Variants in STAU2 observed in about 807,000 individuals in gnomAD.
STAU2 encodes staufen double-stranded RNA binding protein 2, also known as double-stranded RNA-binding protein Staufen homolog 2.
In STAU2, 20 loss-of-function variants were observed where a neutral mutation model predicts 65.9. That is an observed-to-expected ratio of 0.30 (90% CI 0.21 to 0.44). The LOEUF is 0.44. Ranked by LOEUF, STAU2 falls within the 20% of genes least tolerant of loss-of-function variation. The pLI is 1.00. For synonymous variants in STAU2, 232 were observed against 233.9 expected (o/e 0.99, Z 0.07); for missense variants, 558 against 683.9 (o/e 0.82, Z 2.05).
intron 13 of STAU2, among the ~76,000 whole-genome samples, chr8:73,429,218 C>T (rs1301006082): frequency 6.6e-6 from 1 of 152,030 alleles, no homozygotes; most frequent in Non-Finnish European, 1.5e-5. Flanking sequence ...AGCTACCATT[C>T]GATGAGCATC....
At chr8:73,629,032 T>C (rs547439985) in intron 6 of STAU2, among the ~76,000 whole-genome samples, 1 of 152,370 alleles carries the variant, frequency 6.6e-6, no homozygotes, top group Non-Finnish European at 1.5e-5. Context: ...AAACTAATTA[T>C]ACTTACTGCA....
intron 13 of STAU2, among the ~76,000 whole-genome samples, chr8:73,517,732 GA>G (rs1040508789): frequency 1.2e-4 from 18 of 147,270 alleles, no homozygotes; most frequent in African/African-American, 2.2e-4. Flanking sequence ...ATCATTTCAG[GA>G]AAAAAAAAAG....
At position 73,714,193 on chromosome 8, in the gene STAU2, A is replaced by G. The variant is rs188564983; in HGVS notation, c.-17-5031T>C. ...GGTGGGATTACAGGCGTGAGCCACCACGCCCGGCCTTAAACACAGTTTCTA... is the reference window on the plus strand; with the variant it reads ...GGTGGGATTACAGGCGTGAGCCACCGCGCCCGGCCTTAAACACAGTTTCTA... On this transcript the variant is annotated intron_variant, in intron 3 of 14. Transcript: ENST00000524300. Among the ~76,000 whole-genome samples, 1,024 of 152,208 alleles carry G rather than the reference A, an allele frequency of 6.7e-3. 5 individuals are homozygous for G. The highest frequency in any genetic ancestry group is 9.5e-3 in the Admixed American group (145 of 15,270).
chr8:73,469,579 T>C (rs1819863349), intron 13 of STAU2, among the ~76,000 whole-genome samples: 1 of 151,950 alleles, frequency 6.6e-6, no homozygotes, highest in East Asian at 1.9e-4. Flanking sequence ...GAGAGGTCAC[T>C]GAATCACAAC....
Position 73,720,499 on chromosome 8 carries a change from C to CT in STAU2, c.-17-11338dup, listed in dbSNP as rs1174035145. On this transcript the variant is annotated intron_variant, in intron 3 of 14. Coordinates refer to ENST00000524300, the MANE Select transcript of STAU2 (RefSeq NM_001164380.2). ...GTTGTCATTTAGTTTAAAATACTTT[C>CT]TTTTTTTTTTTTTTTTTTTTTTTTG... Among the ~76,000 whole-genome samples, 40 of 39,096 alleles carry CT rather than the reference C, an allele frequency of 1.0e-3. 11 individuals carry two copies. Among genetic ancestry groups the CT allele is most frequent in the South Asian group, 4.3e-3 (2 of 462 alleles). The allele number at this position is 39,096 out of a possible 152,430, so 25.6% of individuals were successfully genotyped here. A position where few individuals can be genotyped will look rare whatever the true frequency, so the allele number is the denominator to read the frequency against.
At chr8:73,509,406 T>C (rs1382909778) in intron 13 of STAU2, among the ~76,000 whole-genome samples, 1 of 152,318 alleles carries the variant, frequency 6.6e-6, no homozygotes, top group African/African-American at 2.4e-5. Flanking sequence ...TAATCAAATA[T>C]ATAATTTGTA....
At chr8:73,709,528 C>T (rs1345553545) in intron 3 of STAU2, among the ~76,000 whole-genome samples, 4 of 151,876 alleles carry the variant, frequency 2.6e-5, no homozygotes, top group African/African-American at 4.8e-5. Context: ...TAAATTTTGT[C>T]TACCTTCTTG....
intron 14 of STAU2, among the ~76,000 whole-genome samples, chr8:73,421,877 A>T (rs1816403017): frequency 6.6e-6 from 1 of 151,550 alleles, no homozygotes; most frequent in African/African-American, 2.4e-5. Flanking sequence ...TATCTCCTGC[A>T]TGTGTTCTGA....
chr8:73,471,528 A>AAC (rs1820014590), intron 13 of STAU2, among the ~76,000 whole-genome samples: 1 of 150,280 alleles, frequency 6.7e-6, no homozygotes, highest in South Asian at 2.1e-4. Context: ...TAATTAAAAA[A>AAC]AAAAAAAAGG....
chr8:73,722,418 C>T (rs1439913069), intron 3 of STAU2, among the ~76,000 whole-genome samples: 4 of 152,282 alleles, frequency 2.6e-5, no homozygotes, highest in South Asian at 2.1e-4. Context: ...TGAAGAATTG[C>T]TTTTAAATTT....
At chr8:73,562,486 T>TAG (rs1164326657) in intron 12 of STAU2, among the ~76,000 whole-genome samples, 75 of 151,524 alleles carry the variant, frequency 4.9e-4, no homozygotes, top group African/African-American at 1.6e-3. Flanking sequence ...TTAAAAAAGA[T>TAG]AGAGAGAGAG....
chr8:73,662,586 A>T (rs1816908496), intron 6 of STAU2, among the ~76,000 whole-genome samples: 1 of 135,682 alleles, frequency 7.4e-6, no homozygotes, highest in South Asian at 2.4e-4. Flanking sequence ...TGTGAAGTCA[A>T]GGTTCAGGGG....
intron 6 of STAU2, among the ~76,000 whole-genome samples, chr8:73,662,898 G>A (rs548760120): frequency 6.6e-6 from 1 of 152,112 alleles, no homozygotes; most frequent in East Asian, 1.9e-4. Context: ...TTACAGGCAT[G>A]AGCCACCGCG....
chr8:73,450,212 A>G (rs980864914), intron 13 of STAU2, among the ~76,000 whole-genome samples: 1 of 152,244 alleles, frequency 6.6e-6, no homozygotes, highest in African/African-American at 2.4e-5. Context: ...TATTAAACCA[A>G]CTGGAGATCT....
At chr8:73,438,989 G>T (rs960216723) in intron 13 of STAU2, 4 of 456,586 alleles carry the variant, frequency 8.8e-6, no homozygotes, top group South Asian at 6.2e-5. Context: ...CTCTATACCT[G>T]GTTCCTCAAC....
At chr8:73,575,350 C>G (rs1248567647) in intron 12 of STAU2, among the ~76,000 whole-genome samples, 1 of 152,146 alleles carries the variant, frequency 6.6e-6, no homozygotes, top group South Asian at 2.1e-4. Flanking sequence ...ACACTGTGTT[C>G]CTGAAGCTGT....
rs200723931 is a variant in STAU2, at chr8:73,659,125, G to GA, written c.410+13981dup. On this transcript the variant is annotated intron_variant, in intron 6 of 14. Coordinates refer to ENST00000524300, the MANE Select transcript of STAU2 (RefSeq NM_001164380.2). ...TAAAGGAACCCTCCAAAACAAAGCA[G>GA]AAAAAAAAGCTTCAAAAGTTTTTCG... 5.0e-3 allele frequency among the ~76,000 whole-genome samples: 766 copies of GA among 151,832 alleles called. 10 individuals are homozygous for GA. The highest frequency in any genetic ancestry group is 0.018 in the African/African-American group (731 of 41,416).
chr8:73,539,214 T>C (rs112537410), intron 13 of STAU2, among the ~76,000 whole-genome samples: 2 of 152,168 alleles, frequency 1.3e-5, no homozygotes, highest in Admixed American at 1.3e-4. Flanking sequence ...AATGTTAGGA[T>C]GCAATCCAAC....
intron 13 of STAU2, among the ~76,000 whole-genome samples, chr8:73,510,784 C>T (rs1472715974): frequency 6.6e-6 from 1 of 152,140 alleles, no homozygotes; most frequent in Non-Finnish European, 1.5e-5. Context: ...GGGAAACTGC[C>T]CCCAGGATTC....
Sources: gnomAD v4.1 joint callset for allele counts (sites outside exome capture counted in the v4.1 genomes callset) on GRCh38, gnomAD v4.1.1 for gene constraint, MANE v1.5 for transcripts, NCBI Gene and HGNC (gene_info 2026-07-23, HGNC 2026-07-21) for gene names.